Variants in PSTPIP2 observed in about 807,000 individuals in gnomAD.
PSTPIP2 encodes the protein proline-serine-threonine phosphatase interacting protein 2, also known as proline-serine-threonine phosphatase-interacting protein 2.
Under a neutral mutation model 63.3 loss-of-function variants are expected in PSTPIP2, and 33 were observed. The ratio of observed to expected loss-of-function variants is 0.52; its 90% CI spans 0.40 to 0.70. The LOEUF is 0.70. Ranked by LOEUF, PSTPIP2 falls within the 30% of genes least tolerant of loss-of-function variation. The pLI is 0.00. For missense variants in PSTPIP2, 312 were observed against 400.7 expected, an observed-to-expected ratio of 0.78 and a Z score of 1.89; for synonymous variants, 125 against 132.7, an observed-to-expected ratio of 0.94 and a Z score of 0.40.
At position 45,984,682 on chromosome 18, in the gene PSTPIP2, C is replaced by T. The variant is rs2051450189; in HGVS notation, c.*777G>A. 6.6e-6 allele frequency: 1 copy of T among 152,186 alleles called. No individual in the cohort carries two copies. The highest frequency in any genetic ancestry group is 2.1e-4 in the South Asian group (1 of 4,832). 9.4% of individuals were successfully genotyped at this position (152,186 alleles called of 1,614,324 possible). Reference sequence around the variant, plus strand: ...TGGCATGTTTTACAATCAGTGGCTCCTTAAATTAGATTAAACATCATGCTC... The same window carrying T: ...TGGCATGTTTTACAATCAGTGGCTCTTTAAATTAGATTAAACATCATGCTC... On this transcript the variant is annotated 3_prime_UTR_variant, in exon 15 of 15. Coordinates refer to ENST00000409746, the MANE Select transcript of PSTPIP2 (RefSeq NM_024430.4).
intron 1 of PSTPIP2, among the ~76,000 whole-genome samples, chr18:46,070,976 C>T (rs1909373224): frequency 6.6e-6 from 1 of 152,172 alleles, no homozygotes; most frequent in South Asian, 2.1e-4. Flanking sequence ...TCCCCCAGTC[C>T]TCCATTCTAC....
rs1053427732 is a variant in PSTPIP2 at position 46,024,793 on chromosome 18, C to T, written c.135-107G>A. ...AAAACTGCACCTGTGACCATAGAAGCTCAGATACAACACCATTCTCTAAAA... is the reference window on the plus strand; with the variant it reads ...AAAACTGCACCTGTGACCATAGAAGTTCAGATACAACACCATTCTCTAAAA... On this transcript the variant is annotated intron_variant, in intron 2 of 14. Transcript: ENST00000409746. 258 of 809,818 alleles carry T rather than the reference C, an allele frequency of 3.2e-4. 3 individuals are homozygous for T. Among genetic ancestry groups the T allele is most frequent in the Non-Finnish European group, 4.0e-4 (190 of 474,460 alleles). 50.2% of individuals were successfully genotyped at this position (809,818 alleles called of 1,614,324 possible).
intron 1 of PSTPIP2, among the ~76,000 whole-genome samples, chr18:46,052,042 G>A (rs75955285): frequency 0.012 from 1,881 of 152,326 alleles, 39 homozygotes; most frequent in African/African-American, 0.043. Context: ...GCAACTGCCA[G>A]GAAGTGGCTA....
At chr18:46,063,189 G>A (rs1299954007) in intron 1 of PSTPIP2, among the ~76,000 whole-genome samples, 1 of 151,850 alleles carries the variant, frequency 6.6e-6, no homozygotes, top group African/African-American at 2.4e-5. Context: ...TTTTTTTGTA[G>A]AGACAGGGTC....
intron 1 of PSTPIP2, among the ~76,000 whole-genome samples, chr18:46,045,552 C>A (rs1000389241): frequency 6.6e-6 from 1 of 151,932 alleles, no homozygotes; most frequent in Non-Finnish European, 1.5e-5. Flanking sequence ...AGGAGATATA[C>A]CTAATGCTAA....
At position 46,070,553 on chromosome 18, in the gene PSTPIP2, G is replaced by A. The variant is rs527963771; in HGVS notation, c.33+1603C>T. ...TGAGACAAACACAAATCACTCTGTCGTCCAGGCTGGAGTGCAGTGATGTGA... is the reference window on the plus strand; with the variant it reads ...TGAGACAAACACAAATCACTCTGTCATCCAGGCTGGAGTGCAGTGATGTGA... On this transcript the variant is annotated intron_variant, in intron 1 of 14. Coordinates refer to ENST00000409746, the MANE Select transcript of PSTPIP2 (RefSeq NM_024430.4). Among the ~76,000 whole-genome samples the A allele has an allele frequency of 2.6e-5, 4 of 152,304 alleles. No individual in the cohort carries two copies. The East Asian group carries it at 5.8e-4, about 22-fold the overall frequency.
chr18:45,998,102 C>T (rs2051622190), intron 8 of PSTPIP2, among the ~76,000 whole-genome samples: 1 of 152,132 alleles, frequency 6.6e-6, no homozygotes, highest in Non-Finnish European at 1.5e-5. Flanking sequence ...GATAAGAAAC[C>T]TCAGCCAGGG....
rs1432205879 is a variant in PSTPIP2 at position 45,987,810 on chromosome 18, C to A, written c.*8+892G>T. Among the ~76,000 whole-genome samples, 7 of 152,126 alleles carry A rather than the reference C, an allele frequency of 4.6e-5. No individual in the cohort carries two copies. In the East Asian group the frequency reaches 1.4e-3, roughly 29 times the overall value. ...GAATGATTTTGACTTGGAGAATGTT[C>A]CAAGCACCTGAGTGCCTAAGAAAAA... On this transcript the variant is annotated intron_variant, in intron 14 of 14. Transcript: ENST00000409746.
intron 5 of PSTPIP2, among the ~76,000 whole-genome samples, chr18:46,009,686 G>A (rs1190882476): frequency 2.0e-5 from 3 of 152,160 alleles, no homozygotes; most frequent in African/African-American, 7.2e-5. Context: ...AACTCTCCCT[G>A]AAAGGACTAG....
intron 6 of PSTPIP2, among the ~76,000 whole-genome samples, chr18:46,000,017 T>C (rs1163805193): frequency 6.6e-6 from 1 of 152,114 alleles, no homozygotes; most frequent in Non-Finnish European, 1.5e-5. Context: ...CACACACCTG[T>C]GGTCCCAGCT....
At chr18:46,049,590 AT>A (rs1410511300) in intron 1 of PSTPIP2, among the ~76,000 whole-genome samples, 1 of 152,226 alleles carries the variant, frequency 6.6e-6, no homozygotes, top group Non-Finnish European at 1.5e-5. Context: ...TCCCATAAAA[AT>A]GAACAACCGG....
intron 3 of PSTPIP2, 30 bp from the exon 4 acceptor site, chr18:46,015,967 A>G: frequency 6.2e-7 from 1 of 1,602,902 alleles, no homozygotes; most frequent in Non-Finnish European, 8.5e-7. Flanking sequence ...ATATAATTTC[A>G]GTTCTGGAAA....
At chr18:46,053,741 T>G (rs2144124469) in intron 1 of PSTPIP2, among the ~76,000 whole-genome samples, 2 of 152,228 alleles carry the variant, frequency 1.3e-5, no homozygotes, top group East Asian at 3.9e-4. Flanking sequence ...AATAGGTGAG[T>G]GGATAAACTG....
At chr18:45,998,772 T>C in intron 8 of PSTPIP2, 22 bp downstream of exon 8, 2 of 1,610,872 alleles carry the variant, frequency 1.2e-6, no homozygotes, top group Non-Finnish European at 1.7e-6. Context: ...CCCTCCCCCA[T>C]CCGTAGGAAC....
chr18:45,996,826 C>T (rs1405072906), intron 9 of PSTPIP2, among the ~76,000 whole-genome samples: 1 of 151,980 alleles, frequency 6.6e-6, no homozygotes, highest in South Asian at 2.1e-4. Context: ...CCTGTAGTCC[C>T]ATCTACTTCA....
intron 2 of PSTPIP2, among the ~76,000 whole-genome samples, chr18:46,034,872 C>A (rs1341992090): frequency 1.3e-5 from 2 of 152,254 alleles, no homozygotes; most frequent in Middle Eastern, 3.4e-3. Flanking sequence ...ATAGAGTAAG[C>A]CTTCAATAAA....
intron 6 of PSTPIP2, among the ~76,000 whole-genome samples, chr18:46,004,733 A>C (rs1049256408): frequency 2.0e-5 from 3 of 152,220 alleles, no homozygotes; most frequent in East Asian, 1.9e-4. Flanking sequence ...AGGCCTTAAA[A>C]AAAGAAAAAC....
At chr18:46,056,220 C>T (rs1001974317) in intron 1 of PSTPIP2, among the ~76,000 whole-genome samples, 7 of 152,172 alleles carry the variant, frequency 4.6e-5, no homozygotes, top group African/African-American at 1.7e-4. Context: ...GTAGGAATTC[C>T]CTTTGCAAAA....
chr18:46,050,902 G>A (rs188949301), intron 1 of PSTPIP2, among the ~76,000 whole-genome samples: 49 of 150,218 alleles, frequency 3.3e-4, no homozygotes, highest in Admixed American at 2.0e-3. Context: ...TCACTGTGTC[G>A]CTCAGGCTGG....
Sources: gnomAD v4.1 joint callset for allele counts (sites outside exome capture counted in the v4.1 genomes callset) on GRCh38, gnomAD v4.1.1 for gene constraint, MANE v1.5 for transcripts, NCBI Gene and HGNC (gene_info 2026-07-23, HGNC 2026-07-21) for gene names.